The following ARHGAP33 variants were observed in gnomAD, a reference collection of about 807,000 sequenced individuals.
ARHGAP33 encodes Rho GTPase activating protein 33.
ARHGAP33 carries 57 observed loss-of-function variants against 126.2 expected under a neutral mutation model. The observed-to-expected ratio is 0.45, with a 90% CI of 0.36 to 0.56. The LOEUF is 0.56. Among genes scored for constraint, ARHGAP33 ranks in the 20% least tolerant of loss-of-function variants. The probability of loss-of-function intolerance (pLI) is 0.00; values close to 1 mark genes in which losing one functional copy is unlikely to be tolerated. For synonymous variants in ARHGAP33, 711 were observed against 755.0 expected, an observed-to-expected ratio of 0.94 and a Z score of 0.95; for missense variants, 1,500 against 1,748.3, an observed-to-expected ratio of 0.86 and a Z score of 2.53.
chr19:35,780,436 T>C lies in ARHGAP33; in HGVS notation c.640T>C (p.Ser214Pro). The change falls in exon 8 of 21, where the codon TCG becomes CCG. Residue 214 changes from serine (S) to proline (P), a missense_variant. Around this residue, in one of 6 missense-constraint regions of ARHGAP33, gnomAD observed 75 missense variants for 152.7 expected, o/e 0.49. Coordinates refer to ENST00000007510, the MANE Select transcript of ARHGAP33 (RefSeq NM_001366178.1). ...CCTCTCCCAGGTGGGAGACATTGTC[T>C]CGGTGATCGACATGCCACCCACAGA... The part of the protein sequence containing the change: ...ELSFEVGDIV[S>P]VIDMPPTEDR... 1 of 1,596,578 alleles carries C rather than the reference T, an allele frequency of 6.3e-7. No homozygotes were observed. The highest frequency in any genetic ancestry group is 8.6e-7 in the Non-Finnish European group (1 of 1,168,952).
chr19:35,788,208 G>A lies in ARHGAP33; in HGVS notation c.3643G>A (p.Gly1215Arg). 1 of 1,608,682 alleles carries A rather than the reference G, an allele frequency of 6.2e-7. No individual in the cohort carries two copies. Among genetic ancestry groups the A allele is most frequent in the Non-Finnish European group, 8.5e-7 (1 of 1,178,380 alleles). The change falls in exon 21 of 21, where the codon GGA (glycine) becomes AGA (arginine). Residue 1215 changes from glycine (G) to arginine (R), a missense_variant. Physicochemically the swap from Gly to Arg is moderately radical, Grantham distance 125. Around this residue, in one of 6 missense-constraint regions of ARHGAP33, gnomAD observed 642 missense variants for 634.0 expected, o/e 1.01. Coordinates refer to ENST00000007510, the MANE Select transcript of ARHGAP33 (RefSeq NM_001366178.1). ...TCCCCAGAAACAACGGGCACCCTGG[G>A]GACCCCGTACCCCTCATAGGGTGCC... ...RLPQKQRAPW[G>R]PRTPHRVPGP...
At position 35,786,777 on chromosome 19, in the gene ARHGAP33, C is replaced by G. The variant is rs1288449545; in HGVS notation, c.2307C>G (p.Ala769=). ...ASPAPPAPAS[A]FPPRVTPQAI... The stretch of plus-strand genomic sequence containing the variant: ...CAGCACCCCCCGCCCCTGCCTCTGC[C>G]TTCCCACCCAGGGTGACCCCCCAGG... Residue 769 remains alanine, a synonymous_variant, in exon 20 of 21, where the codon GCC becomes GCG. Coordinates refer to ENST00000007510, the MANE Select transcript of ARHGAP33 (RefSeq NM_001366178.1). The surrounding 1 kb of genome is among the most constrained non-coding windows in gnomAD (Gnocchi z 7.0). The G allele has an allele frequency of 1.3e-6, 2 of 1,517,174 alleles. No individual in the cohort carries two copies. The allele number at this position is 1,517,174 out of a possible 1,614,324, so 94.0% of individuals were successfully genotyped here.
Position 35,788,215 on chromosome 19 carries a change from G to A in ARHGAP33, c.3650G>A (p.Arg1217His), listed in dbSNP as rs770878639. The change falls in exon 21 of 21, where the codon CGT becomes CAT. Residue 1217 changes from arginine to histidine, a missense_variant. Arg to His is a conservative substitution (Grantham distance 29). Coordinates refer to ENST00000007510, the MANE Select transcript of ARHGAP33 (RefSeq NM_001366178.1). ...PQKQRAPWGP[R>H]TPHRVPGPWG... ...AAACAACGGGCACCCTGGGGACCCC[G>A]TACCCCTCATAGGGTGCCGGGTCCC... 65 of 1,571,898 alleles carry A rather than the reference G, an allele frequency of 4.1e-5. No homozygotes were observed. Among genetic ancestry groups the A allele is most frequent in the Middle Eastern group, 1.7e-4 (1 of 5,844 alleles).
rs533572756 is a variant in ARHGAP33 at position 35,779,510 on chromosome 19, A to C, written c.501+386A>C. Among the ~76,000 whole-genome samples, 204 of 152,014 alleles carry C rather than the reference A, an allele frequency of 1.3e-3. 1 individual carries two copies. Among genetic ancestry groups the C allele is most frequent in the African/African-American group, 4.8e-3 (198 of 41,424 alleles). On this transcript the variant is annotated intron_variant, in intron 6 of 20. Coordinates refer to ENST00000007510, the MANE Select transcript of ARHGAP33 (RefSeq NM_001366178.1). ...CAGTGGCATGATCTCGCCCACCACA[A>C]CCCCTGCCTCCCAGGTTCAAGTGAT... is the stretch of plus-strand genomic sequence containing the variant.
In ARHGAP33 at chr19:35,782,797, T is replaced by C. The variant is rs1442312328; in HGVS notation, c.1349T>C (p.Met450Thr). Residue 450 changes from methionine (M) to threonine (T), a missense_variant, in exon 15 of 21, where the codon ATG (methionine) becomes ACG (threonine). Met to Thr is a moderately conservative substitution (Grantham distance 81, BLOSUM62 -1). Coordinates refer to ENST00000007510, the MANE Select transcript of ARHGAP33 (RefSeq NM_001366178.1). This position sits in a 1 kb window ranked among gnomAD's most constrained non-coding sequence, Gnocchi z 4.1. The part of the protein sequence containing the change: ...LEYLLRHLAR[M>T]ARHSANTSMH... ...TACCTGCTGAGGCACCTGGCCCGCA[T>C]GGCGAGACACAGTGCCAACACCAGC... 6.2e-7 allele frequency: 1 copy of C among 1,613,906 alleles called. No individual in the cohort carries two copies.
chr19:35,778,294 A>C lies in ARHGAP33; in HGVS notation c.204A>C (p.Pro68=), dbSNP rs1196794577. The change falls in exon 4 of 21, where the codon CCA becomes CCC. Residue 68 remains proline (P), a synonymous_variant. Transcript: ENST00000007510. ...DFGHIQLLLS[P]DREGPSLSGE... is the part of the protein sequence containing the mutation. Reference sequence around the variant, plus strand: ...TCCCTCTGCAGCTCCTGCTGTCTCCAGACCGTGAAGGGCCCAGCCTCTCTG... The same window carrying C: ...TCCCTCTGCAGCTCCTGCTGTCTCCCGACCGTGAAGGGCCCAGCCTCTCTG... 8 of 1,614,142 alleles carry C rather than the reference A, an allele frequency of 5.0e-6. No individual in the cohort carries two copies. In the South Asian group the frequency reaches 7.7e-5, roughly 16 times the overall value.
chr19:35,788,347 G>A lies in ARHGAP33; in HGVS notation c.3782G>A (p.Gly1261Glu). ...GSLYRNGGQR[G>E]EGAGPPPPYP... The stretch of plus-strand genomic sequence containing the variant: ...TTGTACAGAAATGGAGGGCAAAGAG[G>A]GGAGGGGGCTGGTCCCCCACCCCCT... Residue 1261 changes from glycine to glutamate, a missense_variant, in exon 21 of 21, where the codon GGG (glycine) becomes GAG (glutamate). Coordinates refer to ENST00000007510, the MANE Select transcript of ARHGAP33 (RefSeq NM_001366178.1). 1 of 1,606,594 alleles carries A rather than the reference G, an allele frequency of 6.2e-7. No homozygotes were observed.
rs1262915368 is a variant in ARHGAP33 at position 35,788,680 on chromosome 19, T to C, written c.*251T>C. 2.2e-6 allele frequency: 1 copy of C among 457,640 alleles called. No individual in the cohort carries two copies. Among genetic ancestry groups the C allele is most frequent in the Non-Finnish European group, 3.8e-6 (1 of 260,378 alleles). 28.3% of individuals were successfully genotyped at this position (457,640 alleles called of 1,614,324 possible). Reference sequence around the variant, plus strand: ...AAATCTGGGGTGGGAGGGGCTAGGCTGACCCCATCCTCCTCTCCCTCCAGG... The same window carrying C: ...AAATCTGGGGTGGGAGGGGCTAGGCCGACCCCATCCTCCTCTCCCTCCAGG... On this transcript the variant is annotated 3_prime_UTR_variant, in exon 21 of 21. Transcript: ENST00000007510.
Position 35,786,946 on chromosome 19 carries a change from C to T in ARHGAP33, c.2476C>T (p.Leu826Phe). 1.1e-5 allele frequency: 18 copies of T among 1,611,038 alleles called. No homozygotes were observed. Among genetic ancestry groups the T allele is most frequent in the Non-Finnish European group, 1.5e-5 (18 of 1,179,550 alleles). The change falls in exon 20 of 21, where the codon CTC becomes TTC. Residue 826 changes from leucine (L) to phenylalanine (F), a missense_variant. By Grantham distance (22) the Leu-to-Phe change is conservative. Around this residue, in one of 6 missense-constraint regions of ARHGAP33, gnomAD observed 642 missense variants for 634.0 expected, o/e 1.01. Transcript: ENST00000007510. The surrounding 1 kb of genome is among the most constrained non-coding windows in gnomAD (Gnocchi z 7.0). ...TGCCTCAGCCACCCCAACACCAGCT[C>T]TCAGCCCCGGCCGGAGCCTGCGCCC... ...APASATPTPA[L>F]SPGRSLRPHL... is the part of the protein sequence containing the mutation.
At position 35,787,574 on chromosome 19, in the gene ARHGAP33, C is replaced by A. The variant is rs755990513; in HGVS notation, c.3009C>A (p.Leu1003=). Residue 1003 remains leucine (L), a synonymous_variant, in exon 21 of 21, where the codon CTC becomes CTA. Transcript: ENST00000007510. ...LRGPAQVSAQ[L]RAGGGGRDAP... ...GCCCTGCCCAGGTCAGTGCCCAGCT[C>A]AGGGCAGGTGGCGGGGGCAGGGATG... 6.2e-7 allele frequency: 1 copy of A among 1,609,986 alleles called. No homozygotes were observed. Among genetic ancestry groups the A allele is most frequent in the Non-Finnish European group, 8.5e-7 (1 of 1,178,846 alleles).
chr19:35,778,561 C>CG lies in ARHGAP33; in HGVS notation c.370dup (p.Glu124GlyfsTer33). 1 of 1,614,140 alleles carries CG rather than the reference C, an allele frequency of 6.2e-7. No individual in the cohort carries two copies. The highest frequency in any genetic ancestry group is 8.5e-7 in the Non-Finnish European group (1 of 1,180,022). ...TTTGACCGGAGGTTCTCCTGCCTTC[C>CG]GGAGCTTCCCCCGCCCCCCGAGGGT... is the stretch of plus-strand genomic sequence containing the variant. On this transcript the variant is annotated frameshift_variant, in exon 5 of 21. Transcript: ENST00000007510. LOFTEE classifies it high-confidence loss of function.
At chr19:35,775,723 G>A (rs1487470274) in intron 1 of ARHGAP33, 59 bp downstream of exon 1, 6 of 1,452,186 alleles carry the variant, frequency 4.1e-6, no homozygotes, top group Non-Finnish European at 5.5e-6. Context: ...TCCGTGCGCA[G>A]CCCCGCCCCG....
rs1434600870 is a variant in ARHGAP33 at position 35,780,807 on chromosome 19, C to T, written c.820C>T (p.Leu274=). ...CCCGGCTCCCCAGGGTATCTCGTCT[C>T]TGACCTCAGGTAATAGAAATAGGCG... ...GIPAPQGISS[L]TSAVPRPRGK... Residue 274 remains leucine, a synonymous_variant, in exon 10 of 21, where the codon CTG becomes TTG. Coordinates refer to ENST00000007510, the MANE Select transcript of ARHGAP33 (RefSeq NM_001366178.1). 8 of 1,613,982 alleles carry T rather than the reference C, an allele frequency of 5.0e-6. No individual in the cohort carries two copies. The highest frequency in any genetic ancestry group is 6.8e-6 in the Non-Finnish European group (8 of 1,180,022).
Position 35,782,400 on chromosome 19 carries a change from G to A in ARHGAP33, c.1113G>A (p.Pro371=), listed in dbSNP as rs779915384. 44 of 1,608,866 alleles carry A rather than the reference G, an allele frequency of 2.7e-5. 1 individual carries two copies. Among genetic ancestry groups the A allele is most frequent in the African/African-American group, 6.7e-5 (5 of 74,814 alleles). ...LRHEFDSERI[P]ELSGPAFLQD... ...ACGAGTTTGACAGTGAGAGGATCCC[G>A]GAGCTGTCTGGCCCTGCATTCCTGC... Residue 371 remains proline, a synonymous_variant, in exon 13 of 21, where the codon CCG becomes CCA. Transcript: ENST00000007510. This position sits in a 1 kb window ranked among gnomAD's most constrained non-coding sequence, Gnocchi z 4.1.
In ARHGAP33 at chr19:35,786,659, G is replaced by T. The variant is rs745597543; in HGVS notation, c.2189G>T (p.Arg730Leu). 2 of 1,535,512 alleles carry T rather than the reference G, an allele frequency of 1.3e-6. No individual in the cohort carries two copies. The highest frequency in any genetic ancestry group is 1.7e-6 in the Non-Finnish European group (2 of 1,146,744). ...DGDELDFSPP[R>L]CLEGLRGLDF... ...GATGAGCTGGACTTCAGCCCACCCC[G>T]CTGCCTGGAGGGACTCCGGGGGCTG... Residue 730 changes from arginine to leucine, a missense_variant, in exon 20 of 21, where the codon CGC becomes CTC. This residue lies in a region of ARHGAP33 where 300 missense variants were observed against 291.1 expected (regional missense o/e 1.03). Transcript: ENST00000007510. The surrounding 1 kb of genome is among the most constrained non-coding windows in gnomAD (Gnocchi z 7.0).
At position 35,788,413 on chromosome 19, in the gene ARHGAP33, C is replaced by A; in HGVS notation, c.3848C>A (p.Thr1283Asn). 3.2e-6 allele frequency: 5 copies of A among 1,571,156 alleles called. No individual in the cohort carries two copies. Among genetic ancestry groups the A allele is most frequent in the Non-Finnish European group, 4.3e-6 (5 of 1,158,732 alleles). The change falls in exon 21 of 21, where the codon ACC becomes AAC. Residue 1283 changes from threonine to asparagine, a missense_variant. Transcript: ENST00000007510. ...PSWSLHSEGQ[T>N]RSYC ...TGGTCCCTCCACTCTGAGGGCCAGA[C>A]CCGAAGCTACTGCTGAGCACCAGCT...
In ARHGAP33 at chr19:35,781,063, G is replaced by A. The variant is rs1971742903; in HGVS notation, c.973G>A (p.Gly325Ser). 2.5e-6 allele frequency: 4 copies of A among 1,612,366 alleles called. No individual in the cohort carries two copies. Among genetic ancestry groups the A allele is most frequent in the Non-Finnish European group, 2.5e-6 (3 of 1,179,842 alleles). ...CDLGEHLSNS[G>S]QDVPQVLRCC... ...TCTTGGCGAGCACCTCAGCAACTCAGGCCAGGATGGTGAGGCCGGGGCCCA... is the reference window on the plus strand; with the variant it reads ...TCTTGGCGAGCACCTCAGCAACTCAAGCCAGGATGGTGAGGCCGGGGCCCA... Residue 325 changes from glycine to serine, a missense_variant, in exon 11 of 21, where the codon GGC becomes AGC. Gly to Ser is a moderately conservative substitution (Grantham distance 56). Coordinates refer to ENST00000007510, the MANE Select transcript of ARHGAP33 (RefSeq NM_001366178.1).
Position 35,786,260 on chromosome 19 carries a change from T to TTCATG in ARHGAP33, c.1943-152_1943-148dup. 1 of 1,428,842 alleles carries TTCATG rather than the reference T, an allele frequency of 7.0e-7. No individual in the cohort carries two copies. Among genetic ancestry groups the TTCATG allele is most frequent in the Non-Finnish European group, 9.1e-7 (1 of 1,096,002 alleles). The allele number at this position is 1,428,842 out of a possible 1,614,324, so 88.5% of individuals were successfully genotyped here. A position where few individuals can be genotyped will look rare whatever the true frequency, so the allele number is the denominator to read the frequency against. ...CGTGCTTTGGGCCGGAAGTGTCCTCTTCATGGTCTCCACTGTCAATCTGAA... is the reference window on the plus strand; with the variant it reads ...CGTGCTTTGGGCCGGAAGTGTCCTCTTCATGTCATGGTCTCCACTGTCAATCTGAA... On this transcript the variant is annotated intron_variant, in intron 19 of 20. Coordinates refer to ENST00000007510, the MANE Select transcript of ARHGAP33 (RefSeq NM_001366178.1). The surrounding 1 kb of genome is among the most constrained non-coding windows in gnomAD (Gnocchi z 7.0).
Position 35,784,298 on chromosome 19 carries a change from C to A in ARHGAP33, c.1548C>A (p.Ser516=). Reference sequence around the variant, plus strand: ...TCCTGTTCAGCGACACCTTCACCTCCGCCGGCCTCGACCCTGCAGGTATGC... The same window carrying A: ...TCCTGTTCAGCGACACCTTCACCTCAGCCGGCCTCGACCCTGCAGGTATGC... ...VDVLFSDTFT[S]AGLDPAGRCL... is the part of the protein sequence containing the mutation. Residue 516 remains serine, a synonymous_variant, in exon 16 of 21, where the codon TCC becomes TCA. Coordinates refer to ENST00000007510, the MANE Select transcript of ARHGAP33 (RefSeq NM_001366178.1). 6.3e-7 allele frequency: 1 copy of A among 1,589,248 alleles called. No homozygotes were observed. Among genetic ancestry groups the A allele is most frequent in the Non-Finnish European group, 8.6e-7 (1 of 1,166,294 alleles).
Sources: gnomAD v4.1 joint callset for allele counts (sites outside exome capture counted in the v4.1 genomes callset) on GRCh38, gnomAD v4.1.1 for gene constraint, gnomAD v4.1.1 regional missense constraint, Gnocchi (gnomAD v3.1) non-coding constraint, MANE v1.5 for transcripts, NCBI Gene and HGNC (gene_info 2026-07-23, HGNC 2026-07-21) for gene names.